HNRNPM: variants seen among roughly 807,000 people sequenced by gnomAD.
HNRNPM encodes the protein heterogeneous nuclear ribonucleoprotein M.
HNRNPM carries 11 observed loss-of-function variants against 73.1 expected under a neutral mutation model. The observed-to-expected ratio is 0.15, with a 90% CI of 0.09 to 0.25. The LOEUF is 0.25. Ranked by LOEUF, HNRNPM falls within the 10% of genes least tolerant of loss-of-function variation. The pLI, the probability that HNRNPM is intolerant of heterozygous loss-of-function variation, is 1.00. For missense variants in HNRNPM, 789 were observed against 1,067.9 expected (o/e 0.74, Z 3.64); for synonymous variants, 407 against 355.2 (o/e 1.15, Z -1.64).
chr19:8,471,168 G>T (rs1464730403), intron 9 of HNRNPM, among the ~76,000 whole-genome samples, 158 bp from the exon 10 acceptor site: 1 of 151,432 alleles, frequency 6.6e-6, no homozygotes, highest in East Asian at 1.9e-4. Context: ...GTTTCCAAGT[G>T]TGCCGATGTT....
In HNRNPM at chr19:8,466,273, A is replaced by G; in HGVS notation, c.669A>G (p.Val223=). The part of the protein sequence containing the change: ...YKVGWKKLKE[V]FSMAGVVVRA... ...TTGGCTGGAAGAAACTGAAGGAAGT[A>G]TTTAGTATGGCTGGTGTGGTGGTCC... The change falls in exon 7 of 16, where the codon GTA becomes GTG. Residue 223 remains valine, a synonymous_variant. Transcript: ENST00000325495. 2 of 1,614,104 alleles carry G rather than the reference A, an allele frequency of 1.2e-6. No homozygotes were observed. The highest frequency in any genetic ancestry group is 1.7e-6 in the Non-Finnish European group (2 of 1,180,012).
intron 2 of HNRNPM, among the ~76,000 whole-genome samples, chr19:8,460,125 T>TGGTTTGCTC (rs2145646968): frequency 6.6e-6 from 1 of 152,296 alleles, no homozygotes; most frequent in African/African-American, 2.4e-5. Context: ...CTGCTCTGGA[T>TGGTTTGCTC]GGTTTGCTCG....
In HNRNPM at chr19:8,488,245, C is replaced by T. The variant is rs532892124; in HGVS notation, c.2030-446C>T. The T allele has an allele frequency of 1.0e-4, 16 of 154,172 alleles. No individual in the cohort carries two copies. The South Asian group carries it at 1.5e-3, about 15-fold the overall frequency. 9.6% of individuals were successfully genotyped at this position (154,172 alleles called of 1,614,324 possible). A position where few individuals can be genotyped will look rare whatever the true frequency, so the allele number is the denominator to read the frequency against. ...CCTTTGCCCTCTAGGGCTCTGTCCA[C>T]GGCGTTGACACATATCTGGATGCTT... On this transcript the variant is annotated intron_variant, in intron 15 of 15. Coordinates refer to ENST00000325495, the MANE Select transcript of HNRNPM (RefSeq NM_005968.5).
At chr19:8,448,907 A>G (rs1968415077) in intron 1 of HNRNPM, among the ~76,000 whole-genome samples, 1 of 152,194 alleles carries the variant, frequency 6.6e-6, no homozygotes, top group Non-Finnish European at 1.5e-5. Context: ...TTGACAATCA[A>G]GAAAACTTTC....
chr19:8,483,973 A>AC (rs1457749497), intron 13 of HNRNPM, among the ~76,000 whole-genome samples: 1 of 151,556 alleles, frequency 6.6e-6, no homozygotes, highest in Non-Finnish European at 1.5e-5. Context: ...TTGACATGTT[A>AC]CCCAGGCTTA....
At chr19:8,457,606 A>G (rs1386044072) in intron 2 of HNRNPM, among the ~76,000 whole-genome samples, 2 of 152,190 alleles carry the variant, frequency 1.3e-5, no homozygotes, top group Admixed American at 6.5e-5. Flanking sequence ...ATTGTGGGTA[A>G]AGTGACTCAG....
chr19:8,449,152 G>A (rs755549261), intron 1 of HNRNPM, among the ~76,000 whole-genome samples: 3 of 152,242 alleles, frequency 2.0e-5, no homozygotes, highest in Non-Finnish European at 2.9e-5. Flanking sequence ...GTCAGATTGT[G>A]AGCTCAAGAT....
chr19:8,480,965 A>G (rs73499653), intron 12 of HNRNPM, among the ~76,000 whole-genome samples: 2,547 of 152,254 alleles, frequency 0.017, 43 homozygotes, highest in African/African-American at 0.036. Context: ...GATCAGACCT[A>G]CATGAGTAAG....
At chr19:8,479,646 G>A (rs73499651) in intron 12 of HNRNPM, among the ~76,000 whole-genome samples, 2,533 of 150,350 alleles carry the variant, frequency 0.017, 43 homozygotes, top group African/African-American at 0.037. Context: ...CAGAGTGTAT[G>A]TTGCCCAGGC....
rs780563281 is a variant in HNRNPM at position 8,471,351 on chromosome 19, G to C, written c.921G>C (p.Gly307=). 2 of 1,603,412 alleles carry C rather than the reference G, an allele frequency of 1.2e-6. No individual in the cohort carries two copies. Among genetic ancestry groups the C allele is most frequent in the Non-Finnish European group, 8.5e-7 (1 of 1,175,076 alleles). The part of the protein sequence containing the change: ...LPHGLGGIGM[G]LGPGGQPIDA... Reference sequence around the variant, plus strand: ...ATGGCCTTGGTGGTATTGGCATGGGGTTAGGACCAGGAGGGCAACCCATTG... The same window carrying C: ...ATGGCCTTGGTGGTATTGGCATGGGCTTAGGACCAGGAGGGCAACCCATTG... Residue 307 remains glycine (G), a synonymous_variant, in exon 10 of 16, where the codon GGG becomes GGC. Transcript: ENST00000325495.
At chr19:8,477,397 C>A (rs1252510066) in intron 12 of HNRNPM, among the ~76,000 whole-genome samples, 2 of 152,068 alleles carry the variant, frequency 1.3e-5, no homozygotes, top group Non-Finnish European at 2.9e-5. Flanking sequence ...GTGGCTCACA[C>A]CTGTTATCCC....
At chr19:8,466,531 A>G in intron 7 of HNRNPM, 143 bp downstream of exon 7, 1 of 911,540 alleles carries the variant, frequency 1.1e-6, no homozygotes, top group Non-Finnish European at 1.7e-6. Context: ...TGGAATTAAG[A>G]GGTTCTCTGG....
At chr19:8,455,944 C>CTTTTTTTTTTT (rs369296420) in intron 2 of HNRNPM, among the ~76,000 whole-genome samples, 2 of 134,506 alleles carry the variant, frequency 1.5e-5, no homozygotes, top group Non-Finnish European at 3.1e-5. Flanking sequence ...CCTTTCTTTC[C>CTTTTTTTTTTT]TTTTTTTTTT....
chr19:8,454,003 G>T (rs2145623470), intron 1 of HNRNPM, among the ~76,000 whole-genome samples: 1 of 152,304 alleles, frequency 6.6e-6, no homozygotes, highest in South Asian at 2.1e-4. Context: ...CCACCTCCCA[G>T]GGTTGCTCAG....
At chr19:8,473,852 A>G (rs1430911747) in intron 11 of HNRNPM, 144 bp downstream of exon 11, 4 of 646,456 alleles carry the variant, frequency 6.2e-6, no homozygotes, top group Non-Finnish European at 1.1e-5. Flanking sequence ...CTGCCTGTCC[A>G]TCCTTCCAGC....
chr19:8,482,981 C>G, intron 12 of HNRNPM, 177 bp from the exon 13 acceptor site: 1 of 572,914 alleles, frequency 1.7e-6, no homozygotes. Flanking sequence ...GACCCAGCAT[C>G]AAGGACTCTC....
At position 8,486,359 on chromosome 19, in the gene HNRNPM, A is replaced by G. The variant is rs1198736401; in HGVS notation, c.1931A>G (p.His644Arg). The change falls in exon 14 of 16, where the codon CAT becomes CGT. Residue 644 changes from histidine to arginine, a missense_variant. By Grantham distance (29) the His-to-Arg change is conservative (BLOSUM62 0). Transcript: ENST00000325495. ...GGTTCCTTTGGTGGAGCTGGAGGCCATGCTCCTGGGGTGGCCAGGAAGGCC... is the reference window on the plus strand; with the variant it reads ...GGTTCCTTTGGTGGAGCTGGAGGCCGTGCTCCTGGGGTGGCCAGGAAGGCC... ...FAGSFGGAGG[H>R]APGVARKACQ... The G allele has an allele frequency of 1.3e-6, 2 of 1,596,224 alleles. No homozygotes were observed. The highest frequency in any genetic ancestry group is 1.7e-6 in the Non-Finnish European group (2 of 1,177,700).
intron 3 of HNRNPM, 71 bp from the exon 4 acceptor site, chr19:8,463,426 A>G (rs8102587): frequency 0.96 from 1,387,286 of 1,444,994 alleles, 671,260 homozygotes; most frequent in East Asian, 0.99. Flanking sequence ...ACTGTCATTG[A>G]TATTTACTAT....
At chr19:8,474,400 A>G (rs961814551) in intron 12 of HNRNPM, among the ~76,000 whole-genome samples, 156 bp downstream of exon 12, 2 of 152,228 alleles carry the variant, frequency 1.3e-5, no homozygotes, top group East Asian at 3.8e-4. Flanking sequence ...TATTTCAAAA[A>G]CTAGACATAA....
Sources: allele counts gnomAD v4.1 joint callset (sites outside exome capture counted in the v4.1 genomes callset), GRCh38; gene constraint gnomAD v4.1.1; transcripts MANE v1.5; gene names NCBI Gene and HGNC (gene_info 2026-07-23, HGNC 2026-07-21).